The following LRRC63 variants were observed in gnomAD, a reference collection of about 807,000 sequenced individuals.
LRRC63 encodes the protein leucine rich repeat containing 63, also known as leucine-rich repeat-containing protein 63.
In LRRC63, 40 loss-of-function variants were observed where a neutral mutation model predicts 49.5. The ratio of observed to expected loss-of-function variants is 0.81; its 90% CI spans 0.63 to 1.05. LRRC63 has a LOEUF of 1.05. LRRC63 is among the 50% of genes least tolerant of loss of function. LRRC63 has a pLI of 0.00. For synonymous variants in LRRC63, 191 were observed against 221.1 expected, an observed-to-expected ratio of 0.86 and a Z score of 1.21; for missense variants, 636 against 663.1, an observed-to-expected ratio of 0.96 and a Z score of 0.45.
At chr13:46,255,998 A>C (rs1033440053) in intron 7 of LRRC63, among the ~76,000 whole-genome samples, 1 of 152,190 alleles carries the variant, frequency 6.6e-6, no homozygotes, top group Non-Finnish European at 1.5e-5. Context: ...TTCACTCAAC[A>C]TACATTTTGG....
At chr13:46,233,306 C>A (rs1185367296) in intron 4 of LRRC63, among the ~76,000 whole-genome samples, 1 of 152,198 alleles carries the variant, frequency 6.6e-6, no homozygotes, top group Non-Finnish European at 1.5e-5. Context: ...TCCATTCTTT[C>A]TACCAAGCCA....
At position 46,237,484 on chromosome 13, in the gene LRRC63, G is replaced by T. The variant is rs151221833; in HGVS notation, c.990+3135G>T. ...GGCTATAGGTACATGTGGTGAAGGG[G>T]TATGTGGAGAAGAAAAATCTCAAAT... On this transcript the variant is annotated intron_variant, in intron 5 of 9. Transcript: ENST00000595396. Among the ~76,000 whole-genome samples the T allele has an allele frequency of 1.1e-4, 16 of 152,206 alleles. No homozygotes were observed. In the East Asian group the frequency reaches 3.1e-3, roughly 29 times the overall value.
intron 1 of LRRC63, among the ~76,000 whole-genome samples, chr13:46,212,759 T>C (rs1210331172): frequency 6.6e-6 from 1 of 152,230 alleles, no homozygotes; most frequent in African/African-American, 2.4e-5. Context: ...TGGGTAGTAA[T>C]AATACACATA....
intron 2 of LRRC63, among the ~76,000 whole-genome samples, chr13:46,221,213 G>A (rs556284558): frequency 6.6e-6 from 1 of 152,316 alleles, no homozygotes; most frequent in Non-Finnish European, 1.5e-5. Context: ...AGGATGGATT[G>A]CATAGGGTTT....
chr13:46,273,111 G>A (rs2047781937), intron 9 of LRRC63, among the ~76,000 whole-genome samples: 2 of 152,150 alleles, frequency 1.3e-5, no homozygotes, highest in Non-Finnish European at 2.9e-5. Flanking sequence ...GCAGCTGGAG[G>A]AGGAGCTGAT....
At chr13:46,249,467 TAAA>T (rs905131846) in intron 6 of LRRC63, among the ~76,000 whole-genome samples, 2 of 151,740 alleles carry the variant, frequency 1.3e-5, no homozygotes, top group Admixed American at 6.6e-5. Flanking sequence ...CTTAAGAAAT[TAAA>T]AAGATTTAAA....
intron 2 of LRRC63, among the ~76,000 whole-genome samples, chr13:46,218,735 G>T (rs1267272101): frequency 6.6e-6 from 1 of 152,140 alleles, no homozygotes; most frequent in Non-Finnish European, 1.5e-5. Context: ...TGCAGTGGCT[G>T]GTACCAGTTT....
At position 46,212,212 on chromosome 13, in the gene LRRC63, T is replaced by A. The variant is rs2046111544; in HGVS notation, c.-81T>A. The A allele has an allele frequency of 6.6e-6, 1 of 152,316 alleles. No individual in the cohort carries two copies. Among genetic ancestry groups the A allele is most frequent in the Non-Finnish European group, 1.5e-5 (1 of 68,120 alleles). 9.4% of individuals were successfully genotyped at this position (152,316 alleles called of 1,614,324 possible). A position where few individuals can be genotyped will look rare whatever the true frequency, so the allele number is the denominator to read the frequency against. ...GATTTCCAGCATCGTGTGGAACATATGACCAGGGAGTACACCTTGAGCGCT... is the reference window on the plus strand; with the variant it reads ...GATTTCCAGCATCGTGTGGAACATAAGACCAGGGAGTACACCTTGAGCGCT... On this transcript the variant is annotated 5_prime_UTR_variant, in exon 1 of 10. An upstream start codon of the reference 5' UTR is lost. Transcript: ENST00000595396.
chr13:46,250,326 C>A lies in LRRC63; in HGVS notation c.1090-29C>A. 4 of 1,449,048 alleles carry A rather than the reference C, an allele frequency of 2.8e-6. No homozygotes were observed. In the South Asian group the frequency reaches 5.2e-5, roughly 19 times the overall value. The allele number at this position is 1,449,048 out of a possible 1,614,324, so 89.8% of individuals were successfully genotyped here. A position where few individuals can be genotyped will look rare whatever the true frequency, so the allele number is the denominator to read the frequency against. ...GATTTGCATACTTTATTATTCCGCT[C>A]ATGTTTGTTTCTCTTTTCTGTTCCC... On this transcript the variant is annotated intron_variant, in intron 6 of 9. Transcript: ENST00000595396.
chr13:46,263,282 C>A (rs995925130), intron 8 of LRRC63, among the ~76,000 whole-genome samples: 2 of 152,024 alleles, frequency 1.3e-5, no homozygotes, highest in Non-Finnish European at 2.9e-5. Flanking sequence ...ACTCACAATT[C>A]TCCTGCCTCA....
chr13:46,230,410 G>A, intron 4 of LRRC63, among the ~76,000 whole-genome samples: 1 of 152,198 alleles, frequency 6.6e-6, no homozygotes. Context: ...TCCCATGATA[G>A]ACCGTCTGCT....
chr13:46,243,729 G>A (rs1258251636), intron 5 of LRRC63, among the ~76,000 whole-genome samples: 3 of 152,082 alleles, frequency 2.0e-5, no homozygotes, highest in Admixed American at 6.6e-5. Flanking sequence ...CGCCTACCTC[G>A]GCCTCCCAAA....
In LRRC63 at chr13:46,227,950, A is replaced by C. The variant is rs773820215; in HGVS notation, c.524A>C (p.His175Pro). Residue 175 changes from histidine to proline, a missense_variant, in exon 3 of 10, where the codon CAC (histidine) becomes CCC (proline). Physicochemically the swap from His to Pro is moderately conservative, Grantham distance 77 (BLOSUM62 -2). Coordinates refer to ENST00000595396, the Ensembl canonical transcript of LRRC63. Reference sequence around the variant, plus strand: ...ATCGCTCAAAAACTTGAGAAAATGCACCCTAAGCATCAACCTTTACCAGAG... The same window carrying C: ...ATCGCTCAAAAACTTGAGAAAATGCCCCCTAAGCATCAACCTTTACCAGAG... 5.2e-6 allele frequency: 8 copies of C among 1,550,586 alleles called. No individual in the cohort carries two copies. The South Asian group carries it at 9.5e-5, about 18-fold the overall frequency.
intron 4 of LRRC63, among the ~76,000 whole-genome samples, chr13:46,230,288 G>C (rs1486377845): frequency 6.6e-6 from 1 of 152,168 alleles, no homozygotes; most frequent in African/African-American, 2.4e-5. Flanking sequence ...GTGAGACAAG[G>C]CATGTCCCTT....
chr13:46,246,227 G>T (rs577690340), intron 5 of LRRC63, among the ~76,000 whole-genome samples: 1 of 152,184 alleles, frequency 6.6e-6, no homozygotes, highest in Non-Finnish European at 1.5e-5. Context: ...ACAGCCTGGA[G>T]AACCGTGAGC....
chr13:46,216,732 T>C (rs1230444), intron 2 of LRRC63, among the ~76,000 whole-genome samples: 73,462 of 152,006 alleles, frequency 0.48, 19,359 homozygotes, highest in African/African-American at 0.67. Context: ...ATGATATTGG[T>C]TGTGGGTTTG....
chr13:46,246,891 A>G (rs1435376258), intron 6 of LRRC63, among the ~76,000 whole-genome samples: 1 of 152,130 alleles, frequency 6.6e-6, no homozygotes, highest in Non-Finnish European at 1.5e-5. Context: ...TTAAATATTT[A>G]TTCTTCTAAC....
chr13:46,249,028 C>CT (rs1240812265), intron 6 of LRRC63, among the ~76,000 whole-genome samples: 3 of 151,762 alleles, frequency 2.0e-5, no homozygotes, highest in African/African-American at 4.8e-5. Context: ...AAGCAACATA[C>CT]TCCTAAATAA....
chr13:46,265,438 G>A lies in LRRC63; in HGVS notation c.1311-1295G>A, dbSNP rs2047671251. 2.6e-5 allele frequency among the ~76,000 whole-genome samples: 4 copies of A among 152,282 alleles called. No homozygotes were observed. In the South Asian group the frequency reaches 8.3e-4, roughly 32 times the overall value. ...AAAAACAGAAATTTATTTCCCACAG[G>A]CTGGGAAGTCCAATATCAAGGCCCC... On this transcript the variant is annotated intron_variant, in intron 8 of 9. Coordinates refer to ENST00000595396, the Ensembl canonical transcript of LRRC63.
Sources: allele counts gnomAD v4.1 joint callset (sites outside exome capture counted in the v4.1 genomes callset), GRCh38; gene constraint gnomAD v4.1.1; transcripts MANE v1.5; gene names NCBI Gene and HGNC (gene_info 2026-07-23, HGNC 2026-07-21).